The following MINDY3 variants were observed in gnomAD, a reference collection of about 807,000 sequenced individuals.
MINDY3 encodes ubiquitin carboxyl-terminal hydrolase MINDY-3.
A neutral mutation model predicts 69.2 loss-of-function variants in MINDY3; 38 were observed. The observed-to-expected ratio is 0.55, with a 90% confidence interval of 0.42 to 0.72. The LOEUF is 0.72. MINDY3 is among the 30% of genes least tolerant of loss of function. MINDY3 has a pLI of 0.00. For synonymous variants in MINDY3, 192 were observed against 180.1 expected (o/e 1.07, Z -0.53); for missense variants, 522 against 519.0 (o/e 1.01, Z -0.06).
rs567231154 is a variant in MINDY3, at chr10:15,858,570, G to C, written c.94+1636C>G. Among the ~76,000 whole-genome samples, 11 of 152,282 alleles carry C rather than the reference G, an allele frequency of 7.2e-5. No homozygotes were observed. The South Asian group carries it at 2.3e-3, about 32-fold the overall frequency. ...GGCCTCTAATCCTCACAATAACTCT[G>C]TAAGGTCTATTATCTGTACTTTACA... On this transcript the variant is annotated intron_variant, in intron 1 of 14. Coordinates refer to ENST00000277632, the MANE Select transcript of MINDY3 (RefSeq NM_024948.4).
intron 1 of MINDY3, among the ~76,000 whole-genome samples, chr10:15,853,395 C>G (rs1245929497): frequency 2.0e-5 from 3 of 152,028 alleles, no homozygotes; most frequent in African/African-American, 7.2e-5. Flanking sequence ...TTGACATTCA[C>G]AGTGATGGTA....
chr10:15,860,161 G>A (rs747691404), intron 1 of MINDY3, 45 bp downstream of exon 1: 221 of 1,444,222 alleles, frequency 1.5e-4, no homozygotes, highest in Admixed American at 8.4e-4. Context: ...CTCTCGCAGG[G>A]CAAAAGAAGC....
chr10:15,778,366 C>CT lies in MINDY3; in HGVS notation c.*625dup. On this transcript the variant is annotated 3_prime_UTR_variant, in exon 15 of 15. Coordinates refer to ENST00000277632, the MANE Select transcript of MINDY3 (RefSeq NM_024948.4). ...ACACAGTAAAAGTTAACAGTGTTGA[C>CT]TATCAGATTCTCTTTTCTGTCAGTT... is the stretch of plus-strand genomic sequence containing the variant. The CT allele has an allele frequency of 6.6e-6, 1 of 152,248 alleles. No individual in the cohort carries two copies. Among genetic ancestry groups the CT allele is most frequent in the South Asian group, 2.1e-4 (1 of 4,826 alleles). The allele number at this position is 152,248 out of a possible 1,614,324, so 9.4% of individuals were successfully genotyped here.
In MINDY3 at chr10:15,796,186, A is replaced by T. The variant is rs1363521671; in HGVS notation, c.883-14T>A. 6.2e-7 allele frequency: 1 copy of T among 1,607,814 alleles called. No individual in the cohort carries two copies. The highest frequency in any genetic ancestry group is 8.5e-7 in the Non-Finnish European group (1 of 1,174,726). ...TAAAGCCATATCCTGAAAAGATAAG[A>T]AGCATGTTGTCAACCAGCTACAGTA... On this transcript the variant is annotated splice_polypyrimidine_tract_variant and intron_variant, in intron 10 of 14. Transcript: ENST00000277632.
At chr10:15,851,451 A>G (rs1380302601) in intron 1 of MINDY3, among the ~76,000 whole-genome samples, 1 of 151,764 alleles carries the variant, frequency 6.6e-6, no homozygotes, top group Non-Finnish European at 1.5e-5. Context: ...TCAGGTCCTG[A>G]GATATTTCAT....
At chr10:15,807,386 A>C (rs760624053) in intron 10 of MINDY3, among the ~76,000 whole-genome samples, 1 of 152,186 alleles carries the variant, frequency 6.6e-6, no homozygotes, top group Non-Finnish European at 1.5e-5. Flanking sequence ...AGGTTGGACC[A>C]GGAATGCTGA....
chr10:15,782,899 C>G (rs1024288059), intron 13 of MINDY3, among the ~76,000 whole-genome samples: 2 of 152,176 alleles, frequency 1.3e-5, no homozygotes, highest in African/African-American at 4.8e-5. Flanking sequence ...TTTCAATTAG[C>G]TAAAGATCAC....
chr10:15,821,660 C>A lies in MINDY3; in HGVS notation c.797G>T (p.Cys266Phe). ...GTACCTTAAAAATCAATTTACCTTA[C>A]AGTATCTTAAAGCTTCCATTAGTGT... ...FLTLMEALRYCKVGSYLKSPK... is the reference protein window; with the variant it reads ...FLTLMEALRYFKVGSYLKSPK... Residue 266 changes from cysteine (C) to phenylalanine (F), a missense_variant, in exon 9 of 15, where the codon TGT becomes TTT. Transcript: ENST00000277632. 3 of 1,606,978 alleles carry A rather than the reference C, an allele frequency of 1.9e-6. No homozygotes were observed. Among genetic ancestry groups the A allele is most frequent in the Non-Finnish European group, 1.7e-6 (2 of 1,175,600 alleles).
chr10:15,779,237 T>A (rs1006203298), intron 14 of MINDY3, 96 bp from the exon 15 acceptor site: 12 of 1,012,700 alleles, frequency 1.2e-5, no homozygotes, highest in Non-Finnish European at 1.7e-5. Context: ...AAATAAGGTA[T>A]TACATAGTTT....
chr10:15,779,114 C>A lies in MINDY3; in HGVS notation c.1216G>T (p.Val406Leu). Residue 406 changes from valine (V) to leucine (L), a missense_variant, in exon 15 of 15, where the codon GTG (valine) becomes TTG (leucine). By Grantham distance (32) the Val-to-Leu change is conservative. Coordinates refer to ENST00000277632, the MANE Select transcript of MINDY3 (RefSeq NM_024948.4). ...KVMYVEGTAV[V>L]MGFEDPMLQT... ...AGCATGGGATCTTCAAAACCCATCA[C>A]AACTGCAGTCCCTTCTACGTACATG... The A allele has an allele frequency of 6.2e-7, 1 of 1,613,568 alleles. No homozygotes were observed. Among genetic ancestry groups the A allele is most frequent in the Non-Finnish European group, 8.5e-7 (1 of 1,179,706 alleles).
chr10:15,823,232 G>C (rs1178176016), intron 8 of MINDY3, among the ~76,000 whole-genome samples: 1 of 152,142 alleles, frequency 6.6e-6, no homozygotes, highest in Admixed American at 6.5e-5. Context: ...GCTTCTTACA[G>C]GCACAGATCA....
At chr10:15,837,974 C>A (rs1833202309) in intron 5 of MINDY3, 4 of 967,064 alleles carry the variant, frequency 4.1e-6, no homozygotes, top group Non-Finnish European at 4.9e-6. Context: ...GATTTTTTTT[C>A]ATTGTAATGA....
Position 15,860,210 on chromosome 10 carries a change from C to A in MINDY3, c.90G>T (p.Thr30=), listed in dbSNP as rs767447094. The A allele has an allele frequency of 1.9e-6, 3 of 1,605,806 alleles. No individual in the cohort carries two copies. Among genetic ancestry groups the A allele is most frequent in the East Asian group, 2.2e-5 (1 of 44,614 alleles). ...GLSDTIFCRW[T]QGFVFSESEG... ...GTGAGAGCCCCGCCAGGGTACCTTG[C>A]GTCCAGCGGCAGAAAATGGTGTCCG... The change falls in exon 1 of 15, where the codon ACG becomes ACT. Residue 30 remains threonine (T), a synonymous_variant. Coordinates refer to ENST00000277632, the MANE Select transcript of MINDY3 (RefSeq NM_024948.4).
intron 12 of MINDY3, 62 bp from the exon 13 acceptor site, chr10:15,786,710 C>T: frequency 2.0e-6 from 2 of 1,007,886 alleles, no homozygotes; most frequent in South Asian, 1.4e-5. Flanking sequence ...GCTTTTCTTT[C>T]ATGATTAAAT....
chr10:15,831,678 T>TC (rs1395593711), intron 8 of MINDY3, among the ~76,000 whole-genome samples: 2 of 147,538 alleles, frequency 1.4e-5, no homozygotes, highest in African/African-American at 5.1e-5. Context: ...CTTTTCTTTT[T>TC]TTTTTTTTTT....
intron 10 of MINDY3, among the ~76,000 whole-genome samples, chr10:15,804,669 C>G (rs908373716): frequency 6.6e-6 from 1 of 152,078 alleles, no homozygotes; most frequent in Non-Finnish European, 1.5e-5. Flanking sequence ...GTATAATTTA[C>G]CTTTAAGCAA....
intron 13 of MINDY3, among the ~76,000 whole-genome samples, chr10:15,785,787 T>A (rs1417419486): frequency 6.6e-6 from 1 of 152,156 alleles, no homozygotes; most frequent in Non-Finnish European, 1.5e-5. Flanking sequence ...TATTTTGAAA[T>A]TTTCCCTCTT....
intron 8 of MINDY3, among the ~76,000 whole-genome samples, chr10:15,823,188 G>A (rs1367744025): frequency 6.6e-6 from 1 of 152,110 alleles, no homozygotes; most frequent in Non-Finnish European, 1.5e-5. Flanking sequence ...ATTAATAGAA[G>A]GTGCATATAC....
chr10:15,818,327 A>AC (rs1409176247), intron 9 of MINDY3, among the ~76,000 whole-genome samples: 2 of 151,792 alleles, frequency 1.3e-5, no homozygotes, highest in Non-Finnish European at 2.9e-5. Flanking sequence ...TAAAAAAAAA[A>AC]AACAAACAAA....
Sources: allele counts gnomAD v4.1 joint callset (sites outside exome capture counted in the v4.1 genomes callset), GRCh38; gene constraint gnomAD v4.1.1; transcripts MANE v1.5; gene names NCBI Gene and HGNC (gene_info 2026-07-23, HGNC 2026-07-21).